The following SAAL1 variants were observed in gnomAD, a reference collection of about 807,000 sequenced individuals.
The protein encoded by SAAL1 is serum amyloid A like 1, also known as protein SAAL1.
SAAL1 carries 42 observed loss-of-function variants against 59.8 expected under a neutral mutation model. That is an observed-to-expected ratio of 0.70 (90% confidence interval 0.55 to 0.91). The LOEUF is 0.91. Ranked by LOEUF, SAAL1 falls within the 40% of genes least tolerant of loss-of-function variation. The pLI, the probability that SAAL1 is intolerant of heterozygous loss-of-function variation, is 0.00. For missense variants in SAAL1, 542 were observed against 561.1 expected, an observed-to-expected ratio of 0.97 and a Z score of 0.34; for synonymous variants, 191 against 194.3, an observed-to-expected ratio of 0.98 and a Z score of 0.14.
chr11:18,082,680 G>A (rs751839679), intron 10 of SAAL1, among the ~76,000 whole-genome samples: 1 of 152,160 alleles, frequency 6.6e-6, no homozygotes, highest in Non-Finnish European at 1.5e-5. Context: ...CGCTCAGGTT[G>A]GAGTGTAGTG....
chr11:18,105,171 G>A (rs1408547139), intron 1 of SAAL1, among the ~76,000 whole-genome samples: 1 of 151,888 alleles, frequency 6.6e-6, no homozygotes, highest in Non-Finnish European at 1.5e-5. Context: ...TAAGGAAGCT[G>A]CGTTTTTTGT....
At chr11:18,105,797 A>AG in intron 1 of SAAL1, 110 bp downstream of exon 1, 20 of 1,331,482 alleles carry the variant, frequency 1.5e-5, no homozygotes, top group Non-Finnish European at 2.0e-5. Context: ...ACGCCTGGGG[A>AG]GGGGTCTTTG....
Position 18,095,485 on chromosome 11 carries a change from T to A in SAAL1, c.333+1286A>T, listed in dbSNP as rs577269077. Among the ~76,000 whole-genome samples the A allele has an allele frequency of 2.6e-5, 4 of 152,340 alleles. No individual in the cohort carries two copies. The South Asian group carries it at 8.3e-4, about 32-fold the overall frequency. ...ATACACTATGGAATTCTCCATTTTA[T>A]AATCTGAAAGAGAGGAAATACAGTA... On this transcript the variant is annotated intron_variant, in intron 3 of 11. Coordinates refer to ENST00000524803, the MANE Select transcript of SAAL1 (RefSeq NM_138421.3).
intron 7 of SAAL1, among the ~76,000 whole-genome samples, 197 bp from the exon 8 acceptor site, chr11:18,087,422 AATATT>A (rs1215429858): frequency 4.6e-5 from 7 of 152,176 alleles, no homozygotes; most frequent in Non-Finnish European, 1.0e-4. Flanking sequence ...AAAATAAACA[AATATT>A]ATATAATATA....
At chr11:18,096,126 G>A (rs535029466) in intron 3 of SAAL1, among the ~76,000 whole-genome samples, 67 of 152,178 alleles carry the variant, frequency 4.4e-4, no homozygotes, top group South Asian at 8.3e-4. Context: ...GGGAGGCCCA[G>A]GCTCTGTTCC....
In SAAL1 at chr11:18,105,926, A is replaced by C; in HGVS notation, c.116T>G (p.Val39Gly). The change falls in exon 1 of 12, where the codon GTC becomes GGC. Residue 39 changes from valine (V) to glycine (G), a missense_variant. Val to Gly is a moderately radical substitution (Grantham distance 109, BLOSUM62 -3). Transcript: ENST00000524803. ...TVYSKHWLFG[V>G]LSGLIQIVSP... Reference sequence around the variant, plus strand: ...CCACACCTGGATGAGTCCGCTGAGGACGCCGAAGAGCCAGTGTTTGCTGTA... The same window carrying C: ...CCACACCTGGATGAGTCCGCTGAGGCCGCCGAAGAGCCAGTGTTTGCTGTA... 1 of 1,604,160 alleles carries C rather than the reference A, an allele frequency of 6.2e-7. No individual in the cohort carries two copies. The highest frequency in any genetic ancestry group is 8.5e-7 in the Non-Finnish European group (1 of 1,175,928).
chr11:18,093,025 G>A (rs1848537892), intron 3 of SAAL1, among the ~76,000 whole-genome samples: 1 of 152,080 alleles, frequency 6.6e-6, no homozygotes, highest in African/African-American at 2.4e-5. Context: ...GCCTTTCTGA[G>A]CAGCACGATG....
At chr11:18,088,654 T>C (rs1054314373) in intron 7 of SAAL1, among the ~76,000 whole-genome samples, 1 of 152,204 alleles carries the variant, frequency 6.6e-6, no homozygotes, top group Admixed American at 6.5e-5. Flanking sequence ...AAAGATTCAG[T>C]AATTGGCTTC....
rs750665953 is a variant in SAAL1 at position 18,083,598 on chromosome 11, G to A, written c.1176C>T (p.His392=). Reference sequence around the variant, plus strand: ...ATAAAATATCCTTTAAGATTTTCAAGTGGAAATCATCTTGGGTTAAATCAG... The same window carrying A: ...ATAAAATATCCTTTAAGATTTTCAAATGGAAATCATCTTGGGTTAAATCAG... ...KRTDLTQDDF[H]LKILKDILCE... The change falls in exon 10 of 12, where the codon CAC becomes CAT. Residue 392 remains histidine, a synonymous_variant. Coordinates refer to ENST00000524803, the MANE Select transcript of SAAL1 (RefSeq NM_138421.3). 6.2e-7 allele frequency: 1 copy of A among 1,601,682 alleles called. No individual in the cohort carries two copies. Among genetic ancestry groups the A allele is most frequent in the South Asian group, 1.1e-5 (1 of 90,484 alleles).
intron 9 of SAAL1, among the ~76,000 whole-genome samples, chr11:18,085,725 A>G (rs1848456919): frequency 6.6e-6 from 1 of 152,360 alleles, no homozygotes; most frequent in East Asian, 1.9e-4. Flanking sequence ...ATATGAATAC[A>G]GCAATGGAAC....
chr11:18,089,633 G>T, intron 6 of SAAL1, 123 bp from the exon 7 acceptor site: 1 of 726,210 alleles, frequency 1.4e-6, no homozygotes, highest in African/African-American at 1.9e-5. Context: ...TATTCTAAAG[G>T]GTGATTTACT....
intron 4 of SAAL1, chr11:18,090,792 T>C (rs1180734115): frequency 2.6e-5 from 6 of 228,908 alleles, no homozygotes; most frequent in African/African-American, 1.2e-4. Flanking sequence ...CTTTGCACTA[T>C]AGTTTTATTA....
intron 1 of SAAL1, among the ~76,000 whole-genome samples, chr11:18,103,863 TG>T (rs1385915708): frequency 6.6e-6 from 1 of 152,214 alleles, no homozygotes; most frequent in Non-Finnish European, 1.5e-5. Context: ...TTATTGTTTT[TG>T]GACTGTACAG....
chr11:18,098,447 C>A lies in SAAL1; in HGVS notation c.250-1593G>T, dbSNP rs201544599. 2.0e-4 allele frequency among the ~76,000 whole-genome samples: 30 copies of A among 152,294 alleles called. No homozygotes were observed. In the East Asian group the frequency reaches 5.8e-3, roughly 29 times the overall value. ...AAAGCTAAGTCAGTTTGCTTGGGGA[C>A]CTGCAATGTAAAATATATAAATAAA... On this transcript the variant is annotated intron_variant, in intron 2 of 11. Coordinates refer to ENST00000524803, the MANE Select transcript of SAAL1 (RefSeq NM_138421.3).
intron 3 of SAAL1, among the ~76,000 whole-genome samples, chr11:18,096,403 G>A (rs1291477902): frequency 6.6e-6 from 1 of 151,848 alleles, no homozygotes; most frequent in African/African-American, 2.4e-5. Flanking sequence ...AACATAAGGA[G>A]ACCTTTGTCT....
Position 18,087,074 on chromosome 11 carries a change from A to T in SAAL1, c.854-20T>A. On this transcript the variant is annotated intron_variant, in intron 8 of 11. Transcript: ENST00000524803. ...AATGTACTTAATAAAGAGGACAAAT[A>T]AAGCAGTACTTTAAAATCAGCAAAC... The T allele has an allele frequency of 6.2e-7, 1 of 1,606,832 alleles. No individual in the cohort carries two copies. The highest frequency in any genetic ancestry group is 1.1e-5 in the South Asian group (1 of 90,830).
intron 4 of SAAL1, 139 bp downstream of exon 4, chr11:18,092,106 C>G: frequency 1.8e-6 from 1 of 550,274 alleles, no homozygotes. Flanking sequence ...ATCATCAACA[C>G]ACAATGAAGT....
chr11:18,089,808 G>C (rs555674632), intron 6 of SAAL1, among the ~76,000 whole-genome samples: 1 of 152,268 alleles, frequency 6.6e-6, no homozygotes, highest in African/African-American at 2.4e-5. Context: ...CAACACTTTT[G>C]GGAGCCCAAG....
chr11:18,104,965 A>C (rs1848672663), intron 1 of SAAL1, among the ~76,000 whole-genome samples: 1 of 152,128 alleles, frequency 6.6e-6, no homozygotes, highest in Non-Finnish European at 1.5e-5. Context: ...CCAATTAGGG[A>C]AACATGGGGG....
Sources: allele counts gnomAD v4.1 joint callset (sites outside exome capture counted in the v4.1 genomes callset), GRCh38; gene constraint gnomAD v4.1.1; transcripts MANE v1.5; gene names NCBI Gene and HGNC (gene_info 2026-07-23, HGNC 2026-07-21).